Variants in EFNA5 observed in about 807,000 individuals in gnomAD.
EFNA5 encodes ephrin A5.
EFNA5 carries 5 observed loss-of-function variants against 22.9 expected under a neutral mutation model. The ratio of observed to expected loss-of-function variants is 0.22; its 90% confidence interval spans 0.11 to 0.46. The LOEUF (loss-of-function observed/expected upper bound fraction) is 0.46, where lower values mean the gene tolerates loss of function less well. Among genes scored for constraint, EFNA5 ranks in the 20% least tolerant of loss-of-function variants. The pLI is 0.99. For synonymous variants in EFNA5, 113 were observed against 112.2 expected (o/e 1.01, Z -0.04); for missense variants, 237 against 293.3 (o/e 0.81, Z 1.40).
intron 1 of EFNA5, among the ~76,000 whole-genome samples, chr5:107,432,651 C>T (rs879011477): frequency 3.9e-5 from 6 of 152,168 alleles, no homozygotes; most frequent in East Asian, 1.9e-4. Flanking sequence ...CAAACAATTA[C>T]GGCCCTGCCT....
At chr5:107,523,138 C>G (rs1204663156) in intron 1 of EFNA5, among the ~76,000 whole-genome samples, 1 of 152,120 alleles carries the variant, frequency 6.6e-6, no homozygotes, top group African/African-American at 2.4e-5. Flanking sequence ...TCACACAGAC[C>G]AGACAATATT....
At chr5:107,633,161 C>A (rs1439498154) in intron 1 of EFNA5, among the ~76,000 whole-genome samples, 1 of 152,132 alleles carries the variant, frequency 6.6e-6, no homozygotes, top group African/African-American at 2.4e-5. Context: ...ATTTGTGAGT[C>A]ATTTGTTATC....
At chr5:107,495,908 C>T (rs1746967388) in intron 1 of EFNA5, among the ~76,000 whole-genome samples, 1 of 152,062 alleles carries the variant, frequency 6.6e-6, no homozygotes, top group African/African-American at 2.4e-5. Context: ...TAGTCAAAGG[C>T]AGGAGGCAAG....
At position 107,395,052 on chromosome 5, in the gene EFNA5, T is replaced by TTTTTTTTTTTTC. The variant is rs1554056358; in HGVS notation, c.419-7282_419-7281insGAAAAAAAAAAA. Among the ~76,000 whole-genome samples, 210 of 144,268 alleles carry TTTTTTTTTTTTC rather than the reference T, an allele frequency of 1.5e-3. 5 individuals carry two copies. The highest frequency in any genetic ancestry group is 3.6e-3 in the Middle Eastern group (1 of 278). The allele number at this position is 144,268 out of a possible 152,430, so 94.6% of individuals were successfully genotyped here. A position where few individuals can be genotyped will look rare whatever the true frequency, so the allele number is the denominator to read the frequency against. On this transcript the variant is annotated intron_variant, in intron 2 of 4. Coordinates refer to ENST00000333274, the MANE Select transcript of EFNA5 (RefSeq NM_001962.3). ...TCTAGTTCTTTTTTTTTTTTTTTTT[T>TTTTTTTTTTTTC]CCGCGAGACAGTGTCTCATTCTGTC...
intron 1 of EFNA5, among the ~76,000 whole-genome samples, chr5:107,462,738 G>C (rs1216377577): frequency 6.6e-6 from 1 of 152,182 alleles, no homozygotes; most frequent in African/African-American, 2.4e-5. Flanking sequence ...AGATGGAAAA[G>C]CATCACATCT....
intron 1 of EFNA5, among the ~76,000 whole-genome samples, chr5:107,546,119 A>AT (rs1748147910): frequency 6.6e-6 from 1 of 152,068 alleles, no homozygotes; most frequent in Admixed American, 6.6e-5. Flanking sequence ...CAAAAGTTGT[A>AT]TTTTTTCAAA....
At chr5:107,668,932 T>C (rs1408667734) in intron 1 of EFNA5, among the ~76,000 whole-genome samples, 1 of 152,078 alleles carries the variant, frequency 6.6e-6, no homozygotes, top group Non-Finnish European at 1.5e-5. Context: ...ACCACCCACC[T>C]CCAGGAGACT....
At chr5:107,507,280 GATTACAAATCTC>G (rs1162181513) in intron 1 of EFNA5, among the ~76,000 whole-genome samples, 4 of 152,154 alleles carry the variant, frequency 2.6e-5, no homozygotes, top group Non-Finnish European at 5.9e-5. Flanking sequence ...GTAAAATATG[GATTACAAATCTC>G]ATCTCCTAAC....
chr5:107,471,922 GTTTCT>G (rs1476708077), intron 1 of EFNA5, among the ~76,000 whole-genome samples: 4 of 152,108 alleles, frequency 2.6e-5, no homozygotes, highest in African/African-American at 9.7e-5. Context: ...TTTATCTATT[GTTTCT>G]TTTAACATTT....
chr5:107,486,163 G>C (rs1261970745), intron 1 of EFNA5, among the ~76,000 whole-genome samples: 3 of 152,122 alleles, frequency 2.0e-5, no homozygotes, highest in Non-Finnish European at 4.4e-5. Flanking sequence ...TAATTTGATG[G>C]ACATGAAATA....
chr5:107,647,030 T>C (rs1052865540), intron 1 of EFNA5, among the ~76,000 whole-genome samples: 1 of 152,072 alleles, frequency 6.6e-6, no homozygotes, highest in Non-Finnish European at 1.5e-5. Context: ...ATGAAATGCA[T>C]AAAGCCCCTA....
chr5:107,647,023 A>G (rs934434939), intron 1 of EFNA5, among the ~76,000 whole-genome samples: 1 of 152,160 alleles, frequency 6.6e-6, no homozygotes, highest in Non-Finnish European at 1.5e-5. Context: ...GACAATTATG[A>G]AATGCATAAA....
chr5:107,653,621 C>G (rs1269116213), intron 1 of EFNA5, among the ~76,000 whole-genome samples: 1 of 152,122 alleles, frequency 6.6e-6, no homozygotes, highest in Non-Finnish European at 1.5e-5. Context: ...TTTATTTTAA[C>G]TAGAGGGAAG....
intron 1 of EFNA5, among the ~76,000 whole-genome samples, chr5:107,571,830 T>C (rs1256915764): frequency 1.3e-5 from 2 of 152,138 alleles, no homozygotes; most frequent in African/African-American, 4.8e-5. Flanking sequence ...GGCGAGGTCA[T>C]GTAAAACAGC....
chr5:107,494,276 GGCGGCGCTTGAGGGCCAGCTGGA>G (rs1173067341), intron 1 of EFNA5, among the ~76,000 whole-genome samples: 1 of 152,188 alleles, frequency 6.6e-6, no homozygotes, highest in Non-Finnish European at 1.5e-5. Flanking sequence ...GGCGGCTGCG[GGCGGCGCTTGAGGGCCAGCTGGA>G]GTTCCGGGTG....
chr5:107,532,982 T>C (rs1024128842), intron 1 of EFNA5, among the ~76,000 whole-genome samples: 4 of 152,154 alleles, frequency 2.6e-5, no homozygotes, highest in Admixed American at 1.3e-4. Flanking sequence ...ATAAATTCCA[T>C]GCACCACAGC....
intron 1 of EFNA5, among the ~76,000 whole-genome samples, chr5:107,438,066 T>A (rs1749162704): frequency 1.3e-5 from 2 of 152,216 alleles, no homozygotes; most frequent in Non-Finnish European, 2.9e-5. Flanking sequence ...ATTACACGTC[T>A]TTGCTATGCT....
At chr5:107,615,381 A>G (rs1184797382) in intron 1 of EFNA5, among the ~76,000 whole-genome samples, 1 of 152,112 alleles carries the variant, frequency 6.6e-6, no homozygotes, top group Non-Finnish European at 1.5e-5. Flanking sequence ...TTCTATTTAA[A>G]AAAACATTCA....
At chr5:107,642,131 T>C (rs1022734483) in intron 1 of EFNA5, among the ~76,000 whole-genome samples, 3 of 152,214 alleles carry the variant, frequency 2.0e-5, no homozygotes, top group African/African-American at 7.2e-5. Flanking sequence ...ATTTCCTGTG[T>C]TCCCAAATCT....
Sources: allele counts gnomAD v4.1 joint callset (sites outside exome capture counted in the v4.1 genomes callset), GRCh38; gene constraint gnomAD v4.1.1; transcripts MANE v1.5; gene names NCBI Gene and HGNC (gene_info 2026-07-23, HGNC 2026-07-21).